Variants in RCBTB1 observed in about 807,000 individuals in gnomAD.
The protein encoded by RCBTB1 is RCC1 and BTB domain-containing protein 1.
In RCBTB1, 46 loss-of-function variants were observed where a neutral mutation model predicts 62.4. The observed-to-expected ratio is 0.74, with a 90% CI of 0.58 to 0.94. The LOEUF (loss-of-function observed/expected upper bound fraction) is 0.94. Ranked by LOEUF, RCBTB1 falls within the 40% of genes least tolerant of loss-of-function variation. The pLI is 0.00. For synonymous variants in RCBTB1, 222 were observed against 245.8 expected, an observed-to-expected ratio of 0.90 and a Z score of 0.91; for missense variants, 565 against 654.9, an observed-to-expected ratio of 0.86 and a Z score of 1.50.
intron 8 of RCBTB1, 104 bp downstream of exon 8, chr13:49,551,222 T>C: frequency 1.5e-6 from 2 of 1,346,174 alleles, no homozygotes; most frequent in East Asian, 2.5e-5. Context: ...AATGAGAATG[T>C]TAATAAACAG....
Position 49,549,410 on chromosome 13 carries a change from T to C in RCBTB1, c.1045+48A>G, listed in dbSNP as rs1463792817. ...GCAAAGACACAGGAAAACTGGTCAG[T>C]TGGTAGTACCATTCTTCCTGGGTGG... On this transcript the variant is annotated intron_variant, in intron 9 of 12. Coordinates refer to ENST00000378302, the MANE Select transcript of RCBTB1 (RefSeq NM_018191.4). 3.9e-6 allele frequency: 6 copies of C among 1,541,344 alleles called. No homozygotes were observed. The African/African-American group carries it at 6.9e-5, about 18-fold the overall frequency.
intron 5 of RCBTB1, among the ~76,000 whole-genome samples, chr13:49,557,545 C>G (rs1221735609): frequency 6.6e-6 from 1 of 151,302 alleles, no homozygotes; most frequent in Non-Finnish European, 1.5e-5. Flanking sequence ...AGGATGGGGT[C>G]ACTAAAAAAA....
chr13:49,584,752 C>T (rs1428217941), intron 1 of RCBTB1, among the ~76,000 whole-genome samples: 1 of 152,168 alleles, frequency 6.6e-6, no homozygotes, highest in Non-Finnish European at 1.5e-5. Flanking sequence ...TTGTAATCCC[C>T]AGCTGCAGAG....
At chr13:49,563,215 C>T (rs1376417379) in intron 4 of RCBTB1, among the ~76,000 whole-genome samples, 1 of 151,128 alleles carries the variant, frequency 6.6e-6, no homozygotes, top group Non-Finnish European at 1.5e-5. Flanking sequence ...GCCTAGGCAA[C>T]ATGGTGAGAC....
chr13:49,566,269 ATAAAATAAATAAATAAAT>A lies in RCBTB1; in HGVS notation c.277+331_277+348del, dbSNP rs1361792993. ...CAAGAATGATCAATAAAAAAATAAA[ATAAAATAAATAAATAAAT>A]AAATAAATAAATAAATAAAAAAGTT... On this transcript the variant is annotated intron_variant, in intron 4 of 12. Transcript: ENST00000378302. Among the ~76,000 whole-genome samples, 56 of 89,416 alleles carry A rather than the reference ATAAAATAAATAAATAAAT, an allele frequency of 6.3e-4. No individual in the cohort carries two copies. The East Asian group carries it at 0.013, about 20-fold the overall frequency. The allele number at this position is 89,416 out of a possible 152,430, so 58.7% of individuals were successfully genotyped here.
intron 9 of RCBTB1, among the ~76,000 whole-genome samples, chr13:49,547,795 G>C (rs910640772): frequency 2.6e-4 from 40 of 152,108 alleles, no homozygotes; most frequent in African/African-American, 9.4e-4. Context: ...CAAGTTGTTT[G>C]CTTTTTTTAT....
At chr13:49,557,485 G>A (rs924679951) in intron 5 of RCBTB1, among the ~76,000 whole-genome samples, 5 of 152,046 alleles carry the variant, frequency 3.3e-5, no homozygotes, top group Non-Finnish European at 5.9e-5. Flanking sequence ...GGATAGTAAA[G>A]TTATTTTTTC....
chr13:49,580,870 A>T (rs73190794), intron 1 of RCBTB1, among the ~76,000 whole-genome samples: 7,993 of 152,316 alleles, frequency 0.052, 277 homozygotes, highest in South Asian at 0.14. Context: ...CACAGAGCCA[A>T]CACCAACAGA....
intron 12 of RCBTB1, 93 bp from the exon 13 acceptor site, chr13:49,534,355 A>G: frequency 7.9e-7 from 1 of 1,272,784 alleles, no homozygotes; most frequent in East Asian, 2.4e-5. Flanking sequence ...CAAATCTCTC[A>G]CCCTCCCCCA....
At chr13:49,556,336 G>A (rs1168944808) in intron 5 of RCBTB1, among the ~76,000 whole-genome samples, 2 of 151,810 alleles carry the variant, frequency 1.3e-5, no homozygotes, top group South Asian at 4.2e-4. Flanking sequence ...GACGACAGGC[G>A]CCCGCCACCA....
intron 5 of RCBTB1, 120 bp from the exon 6 acceptor site, chr13:49,555,793 G>A: frequency 2.7e-6 from 2 of 736,512 alleles, no homozygotes; most frequent in African/African-American, 1.8e-5. Flanking sequence ...GTGCTAAACG[G>A]TTCTATATGC....
chr13:49,536,060 G>A (rs1280390279), intron 12 of RCBTB1, among the ~76,000 whole-genome samples: 1 of 151,842 alleles, frequency 6.6e-6, no homozygotes, highest in African/African-American at 2.4e-5. Context: ...CACAATATAG[G>A]TATAAAAATG....
intron 2 of RCBTB1, among the ~76,000 whole-genome samples, chr13:49,573,433 G>A (rs1406512409): frequency 6.8e-6 from 1 of 147,496 alleles, no homozygotes; most frequent in Non-Finnish European, 1.5e-5. Flanking sequence ...TTAGAAATTA[G>A]ATACAATTCC....
intron 12 of RCBTB1, among the ~76,000 whole-genome samples, chr13:49,535,794 G>A (rs974184299): frequency 6.6e-6 from 1 of 152,102 alleles, no homozygotes; most frequent in Non-Finnish European, 1.5e-5. Context: ...GGAGGCTGAT[G>A]CGGGCAGATC....
chr13:49,539,147 T>C (rs1345433071), intron 12 of RCBTB1, among the ~76,000 whole-genome samples: 1 of 148,354 alleles, frequency 6.7e-6, no homozygotes, highest in African/African-American at 2.4e-5. Flanking sequence ...ATTACAGGCG[T>C]GATCTCCAAG....
Position 49,533,200 on chromosome 13 carries a change from T to C in RCBTB1, c.*922A>G, listed in dbSNP as rs1230655627. 6.6e-6 allele frequency: 1 copy of C among 152,312 alleles called. No homozygotes were observed. The highest frequency in any genetic ancestry group is 2.1e-4 in the South Asian group (1 of 4,820). The allele number at this position is 152,312 out of a possible 1,614,324, so 9.4% of individuals were successfully genotyped here. A position where few individuals can be genotyped will look rare whatever the true frequency, so the allele number is the denominator to read the frequency against. On this transcript the variant is annotated 3_prime_UTR_variant, in exon 13 of 13. Coordinates refer to ENST00000378302, the MANE Select transcript of RCBTB1 (RefSeq NM_018191.4). ...AACCACTTCTTCCAGTCATATATAG[T>C]AGATATGATGATTCAGCAGTCATAA...
At chr13:49,581,674 C>G (rs181190971) in intron 1 of RCBTB1, among the ~76,000 whole-genome samples, 34 of 152,140 alleles carry the variant, frequency 2.2e-4, no homozygotes, top group African/African-American at 6.3e-4. Context: ...CAGGGAGTAC[C>G]CCCTAGAAGG....
intron 10 of RCBTB1, 42 bp downstream of exon 10, chr13:49,544,695 A>G: frequency 6.5e-7 from 1 of 1,549,796 alleles, no homozygotes; most frequent in Non-Finnish European, 8.8e-7. Flanking sequence ...ACAAAGAAAG[A>G]AAAGTCAAGT....
chr13:49,559,978 CT>C lies in RCBTB1; in HGVS notation c.383del (p.Lys128SerfsTer6), dbSNP rs1409758402. The C allele has an allele frequency of 1.9e-6, 3 of 1,614,190 alleles. No homozygotes were observed. In the Admixed American group the frequency reaches 5.0e-5, roughly 27 times the overall value. ...AGCCACAAGCTACTTCCACCACTTG[CT>C]TGATCAAGAGATTGGTACAGACCTG... is the stretch of plus-strand genomic sequence containing the variant. ...PVQVCTNLLIKQVVEVACGSH... is the reference protein window; with the variant it reads ...PVQVCTNLLIXQVVEVACGSH... On this transcript the variant is annotated frameshift_variant, in exon 5 of 13. Transcript: ENST00000378302. LOFTEE classifies it high-confidence loss of function.
Sources: allele counts gnomAD v4.1 joint callset (sites outside exome capture counted in the v4.1 genomes callset), GRCh38; gene constraint gnomAD v4.1.1; transcripts MANE v1.5; gene names NCBI Gene and HGNC (gene_info 2026-07-23, HGNC 2026-07-21).